The following PTK2B variants were observed in gnomAD, a reference collection of about 807,000 sequenced individuals.
The protein encoded by PTK2B is protein-tyrosine kinase 2-beta.
In PTK2B, 71 loss-of-function variants were observed where a neutral mutation model predicts 142.9. That is an observed-to-expected ratio of 0.50 (90% CI 0.41 to 0.61). PTK2B has a LOEUF of 0.61. Among genes scored for constraint, PTK2B ranks in the 20% least tolerant of loss-of-function variants. The pLI is 0.00. For missense variants in PTK2B, 1,105 were observed against 1,320.4 expected (o/e 0.84, Z 2.53); for synonymous variants, 519 against 503.4 (o/e 1.03, Z -0.42).
chr8:27,362,236 C>T (rs75439501), intron 1 of PTK2B, among the ~76,000 whole-genome samples: 3,146 of 152,292 alleles, frequency 0.021, 42 homozygotes, highest in Non-Finnish European at 0.036. Flanking sequence ...CTGCACTTTC[C>T]GGGGCCTCCC....
intron 24 of PTK2B, 35 bp from the exon 25 acceptor site, chr8:27,450,714 T>C: frequency 6.2e-7 from 1 of 1,613,000 alleles, no homozygotes; most frequent in Non-Finnish European, 8.5e-7. Flanking sequence ...GCAGGGCTCA[T>C]TGCATCCTCT....
chr8:27,421,278 C>G (rs1165624037), intron 4 of PTK2B, among the ~76,000 whole-genome samples: 2 of 147,072 alleles, frequency 1.4e-5, no homozygotes, highest in Non-Finnish European at 3.0e-5. Flanking sequence ...TAGCACTTAC[C>G]TATTTATTTA....
chr8:27,325,381 G>C (rs1447118371), upstream of PTK2B: 1 of 152,222 alleles, frequency 6.6e-6, no homozygotes, highest in Non-Finnish European at 1.5e-5. Flanking sequence ...TCGCCCCCCA[G>C]GTCTGCCCGG....
chr8:27,440,787 T>A (rs1259898754), intron 21 of PTK2B, among the ~76,000 whole-genome samples: 1 of 152,234 alleles, frequency 6.6e-6, no homozygotes, highest in Non-Finnish European at 1.5e-5. Flanking sequence ...CCTCTCGCCT[T>A]GTCTCTCGAC....
chr8:27,372,645 A>G (rs758412725), intron 1 of PTK2B, among the ~76,000 whole-genome samples: 3 of 152,202 alleles, frequency 2.0e-5, no homozygotes, highest in Non-Finnish European at 2.9e-5. Context: ...AGCCCAGTCA[A>G]GTTGATACAG....
At position 27,458,470 on chromosome 8, in the gene PTK2B, C is replaced by T. The variant is rs1318058927; in HGVS notation, c.2991C>T (p.Ala997=). The T allele has an allele frequency of 1.9e-6, 3 of 1,595,768 alleles. No individual in the cohort carries two copies. Among genetic ancestry groups the T allele is most frequent in the Non-Finnish European group, 2.6e-6 (3 of 1,171,360 alleles). ...AKNLLDAVDQ[A]KVLANLAHPP... is the part of the protein sequence containing the mutation. ...ACCTGCTCGACGCTGTGGACCAGGC[C>T]AAGGTTCTGGCCAATCTGGCCCACC... is the stretch of plus-strand genomic sequence containing the variant. The change falls in exon 31 of 31, where the codon GCC becomes GCT. Residue 997 remains alanine (A), a synonymous_variant. Coordinates refer to ENST00000346049, the MANE Select transcript of PTK2B (RefSeq NM_173176.3).
chr8:27,446,341 T>C (rs1168383512), intron 24 of PTK2B, among the ~76,000 whole-genome samples: 1 of 152,192 alleles, frequency 6.6e-6, no homozygotes, highest in Non-Finnish European at 1.5e-5. Flanking sequence ...AGGAAAGGCT[T>C]TCTTGTGGCT....
chr8:27,405,329 C>A (rs1471703357), intron 2 of PTK2B, among the ~76,000 whole-genome samples: 1 of 152,148 alleles, frequency 6.6e-6, no homozygotes, highest in Non-Finnish European at 1.5e-5. Flanking sequence ...GTATCTGGAA[C>A]AATCTCTGTC....
intron 1 of PTK2B, among the ~76,000 whole-genome samples, chr8:27,357,828 G>C (rs1379877494): frequency 6.6e-6 from 1 of 152,174 alleles, no homozygotes; most frequent in African/African-American, 2.4e-5. Flanking sequence ...TCTGTGCCAG[G>C]CATAGTTTTA....
In PTK2B at chr8:27,410,804, T is replaced by C. The variant is rs1392794134; in HGVS notation, c.205-9091T>C. ...CTGTTGCTTCTTTGTTTCTGACCTATAGGAAGAAAGGCCAGAGAATAGGGA... is the reference window on the plus strand; with the variant it reads ...CTGTTGCTTCTTTGTTTCTGACCTACAGGAAGAAAGGCCAGAGAATAGGGA... On this transcript the variant is annotated intron_variant, in intron 2 of 30. Transcript: ENST00000346049. Among the ~76,000 whole-genome samples, 3 of 152,304 alleles carry C rather than the reference T, an allele frequency of 2.0e-5. No homozygotes were observed. The South Asian group carries it at 6.2e-4, about 32-fold the overall frequency.
chr8:27,320,980 C>CTT (rs776395346), upstream of PTK2B, among the ~76,000 whole-genome samples: 110 of 39,384 alleles, frequency 2.8e-3, 26 homozygotes, highest in East Asian at 0.014. Flanking sequence ...ATACAAAAGG[C>CTT]TTTTTTTTTT....
intron 1 of PTK2B, among the ~76,000 whole-genome samples, chr8:27,397,200 C>T (rs1017216871): frequency 6.6e-6 from 1 of 152,218 alleles, no homozygotes; most frequent in Non-Finnish European, 1.5e-5. Context: ...TGGAACCAAG[C>T]TGTGACCGCC....
Position 27,431,442 on chromosome 8 carries a change from G to C in PTK2B, c.855G>C (p.Gly285=), listed in dbSNP as rs780122894. ...ITVDLVIGPK[G]IRQLTSQDAK... is the part of the protein sequence containing the mutation. Reference sequence around the variant, plus strand: ...TGGACCTGGTCATTGGCCCTAAAGGGATCCGCCAGCTGACTAGTCAGGACG... The same window carrying C: ...TGGACCTGGTCATTGGCCCTAAAGGCATCCGCCAGCTGACTAGTCAGGACG... Residue 285 remains glycine, a synonymous_variant, in exon 9 of 31, where the codon GGG becomes GGC. Transcript: ENST00000346049. 2.2e-5 allele frequency: 35 copies of C among 1,614,194 alleles called. 1 individual carries two copies. In the Admixed American group the frequency reaches 5.8e-4, roughly 27 times the overall value.
intron 2 of PTK2B, among the ~76,000 whole-genome samples, chr8:27,411,925 C>G (rs887969993): frequency 1.3e-5 from 2 of 152,178 alleles, no homozygotes; most frequent in Non-Finnish European, 2.9e-5. Context: ...TCAACAGTTT[C>G]CTAAAACAAC....
upstream of PTK2B, chr8:27,311,464 G>C (rs1586063598): frequency 2.0e-5 from 12 of 596,812 alleles, no homozygotes; most frequent in East Asian, 1.9e-4. Flanking sequence ...TTGGGAGAGC[G>C]GGGTGGGCCT....
chr8:27,451,362 C>G (rs1811798980), intron 26 of PTK2B, 123 bp from the exon 27 acceptor site: 2 of 1,489,610 alleles, frequency 1.3e-6, no homozygotes, highest in Non-Finnish European at 1.8e-6. Context: ...CAGAAGCACC[C>G]CCGACCCCAT....
intron 2 of PTK2B, 72 bp downstream of exon 2, chr8:27,397,860 C>T: frequency 3.7e-6 from 2 of 545,490 alleles, no homozygotes; most frequent in South Asian, 2.7e-5. Context: ...GAGCAGCTCT[C>T]CTGCAGCCTC....
At chr8:27,318,410 G>A (rs1803137817) in intron 3 of PTK2B, among the ~76,000 whole-genome samples, 1 of 152,206 alleles carries the variant, frequency 6.6e-6, no homozygotes, top group Non-Finnish European at 1.5e-5. Flanking sequence ...CCCACTCACA[G>A]GTGGGGGTTA....
At chr8:27,435,868 C>G in intron 14 of PTK2B, 75 bp downstream of exon 14, 1 of 1,500,854 alleles carries the variant, frequency 6.7e-7, no homozygotes, top group African/African-American at 1.4e-5. Context: ...CTGGTGACAC[C>G]ACAGGGAACA....
Sources: allele counts gnomAD v4.1 joint callset (sites outside exome capture counted in the v4.1 genomes callset), GRCh38; gene constraint gnomAD v4.1.1; transcripts MANE v1.5; gene names NCBI Gene and HGNC (gene_info 2026-07-23, HGNC 2026-07-21).